AFF2: variants seen among roughly 807,000 people sequenced by gnomAD.
The protein encoded by AFF2 is ALF transcription elongation factor 2, also known as AF4/FMR2 family member 2.
Under a neutral mutation model 76.9 loss-of-function variants are expected in AFF2, and 14 were observed. That is an observed-to-expected ratio of 0.18 (90% CI 0.12 to 0.28). AFF2 has a LOEUF of 0.28. AFF2 is among the 10% of genes least tolerant of loss of function. AFF2 has a pLI of 1.00. For synonymous variants in AFF2, 398 were observed against 366.7 expected (o/e 1.09, Z -0.98); for missense variants, 868 against 1,001.1 (o/e 0.87, Z 1.79).
chrX:148,590,554 A>G (rs2053513687), intron 1 of AFF2, among the ~76,000 whole-genome samples: 1 of 112,024 alleles, frequency 8.9e-6, no homozygotes, highest in South Asian at 3.7e-4. Context: ...TAGCTAGGAA[A>G]TGGGTGACAA....
At chrX:148,734,541 C>T (rs2055263459) in intron 3 of AFF2, among the ~76,000 whole-genome samples, 1 of 111,724 alleles carries the variant, frequency 9.0e-6, no homozygotes, top group African/African-American at 3.3e-5. Flanking sequence ...ACATTATCTT[C>T]CTTTGTTGAA....
In AFF2 at chrX:148,878,542, A is replaced by G. The variant is rs782564695; in HGVS notation, c.1263-7347A>G. 2.7e-5 allele frequency among the ~76,000 whole-genome samples: 3 copies of G among 111,751 alleles called. No homozygotes were observed. The East Asian group carries it at 8.4e-4, about 31-fold the overall frequency. On this transcript the variant is annotated intron_variant, in intron 7 of 20. Coordinates refer to ENST00000370460, the MANE Select transcript of AFF2 (RefSeq NM_002025.4). ...CGTATATGGTCTTGAATGAATTCCT[A>G]TTCCTCCACTTGAATGACTTTCCAT...
intron 8 of AFF2, among the ~76,000 whole-genome samples, chrX:148,893,007 T>C (rs782585226): frequency 1.8e-5 from 2 of 112,075 alleles, no homozygotes; most frequent in East Asian, 5.6e-4. Flanking sequence ...GATAGAGTCT[T>C]TTAATGTAAA....
intron 1 of AFF2, among the ~76,000 whole-genome samples, chrX:148,526,602 G>A (rs1293883653): frequency 1.8e-5 from 2 of 110,266 alleles, no homozygotes; most frequent in Non-Finnish European, 3.8e-5. Context: ...GAACAAAATG[G>A]TACTTATAGA....
At chrX:148,836,880 A>G (rs782687999) in intron 4 of AFF2, among the ~76,000 whole-genome samples, 1 of 112,096 alleles carries the variant, frequency 8.9e-6, no homozygotes, top group South Asian at 3.8e-4. Context: ...TTGAACTCAC[A>G]GATACACTGT....
intron 3 of AFF2, among the ~76,000 whole-genome samples, chrX:148,696,320 G>A (rs1298527704): frequency 6.4e-5 from 7 of 108,982 alleles, no homozygotes; most frequent in Non-Finnish European, 1.3e-4. Context: ...GAGAGGGGAG[G>A]GATAGCATTA....
chrX:148,674,749 A>G (rs1459417342), intron 3 of AFF2, among the ~76,000 whole-genome samples: 1 of 112,357 alleles, frequency 8.9e-6, no homozygotes, highest in East Asian at 2.8e-4. Flanking sequence ...GACCACAGAG[A>G]TAACTGCTAA....
chrX:148,614,240 A>T (rs782473673), intron 1 of AFF2, among the ~76,000 whole-genome samples: 1 of 112,201 alleles, frequency 8.9e-6, no homozygotes, highest in Non-Finnish European at 1.9e-5. Context: ...AATTTTGTGT[A>T]TCTACAAGCT....
chrX:148,578,373 C>G (rs782277327), intron 1 of AFF2, among the ~76,000 whole-genome samples: 15 of 111,394 alleles, frequency 1.3e-4, no homozygotes, highest in Non-Finnish European at 2.6e-4. Context: ...GAGGACTCCA[C>G]TTAAGAGTCA....
At chrX:148,895,279 G>T (rs1327009375) in intron 8 of AFF2, among the ~76,000 whole-genome samples, 1 of 111,103 alleles carries the variant, frequency 9.0e-6, no homozygotes, top group Non-Finnish European at 1.9e-5. Context: ...AATAAAAATG[G>T]CTACATTTTT....
chrX:148,942,685 A>G (rs1557285695), intron 9 of AFF2, among the ~76,000 whole-genome samples: 1 of 110,390 alleles, frequency 9.1e-6, no homozygotes, highest in Non-Finnish European at 1.9e-5. Context: ...GCATGGTGGC[A>G]CACACTTGTG....
At chrX:148,782,174 T>C (rs956821277) in intron 3 of AFF2, among the ~76,000 whole-genome samples, 1 of 111,966 alleles carries the variant, frequency 8.9e-6, no homozygotes, top group Non-Finnish European at 1.9e-5. Flanking sequence ...ATCACATTTT[T>C]TCCATATAAA....
chrX:148,746,939 G>A (rs1557266115), intron 3 of AFF2, among the ~76,000 whole-genome samples: 1 of 112,619 alleles, frequency 8.9e-6, no homozygotes, highest in African/African-American at 3.2e-5. Flanking sequence ...TTCAGCATGT[G>A]TAGTCATTGA....
At chrX:148,510,867 C>T (rs2052475089) in intron 1 of AFF2, among the ~76,000 whole-genome samples, 1 of 111,718 alleles carries the variant, frequency 9.0e-6, no homozygotes, top group African/African-American at 3.3e-5. Flanking sequence ...TAGACAAAAA[C>T]CTGCTTAATA....
chrX:148,574,836 A>G (rs73618355), intron 1 of AFF2, among the ~76,000 whole-genome samples: 1,772 of 111,239 alleles, frequency 0.016, 37 homozygotes, highest in African/African-American at 0.053. Context: ...TATTGTTTCC[A>G]TTTCAGGGAT....
At chrX:148,506,292 T>C (rs1489528284) in intron 1 of AFF2, among the ~76,000 whole-genome samples, 1 of 111,856 alleles carries the variant, frequency 8.9e-6, no homozygotes, top group African/African-American at 3.3e-5. Flanking sequence ...CTATCTCATT[T>C]GATCATTGTG....
chrX:148,774,448 CT>C (rs1200177491), intron 3 of AFF2, among the ~76,000 whole-genome samples: 1 of 111,504 alleles, frequency 9.0e-6, no homozygotes, highest in African/African-American at 3.3e-5. Context: ...TACTGGTTTC[CT>C]GTGCTTGATG....
intron 9 of AFF2, among the ~76,000 whole-genome samples, chrX:148,920,621 CGT>C (rs1410646415): frequency 3.6e-5 from 1 of 27,758 alleles, no homozygotes; most frequent in Non-Finnish European, 8.0e-5. Flanking sequence ...TGTGAGTGTG[CGT>C]GTGTGTGCGC....
intron 7 of AFF2, among the ~76,000 whole-genome samples, chrX:148,848,597 G>A (rs1199411608): frequency 8.9e-6 from 1 of 112,000 alleles, no homozygotes. Flanking sequence ...ATGCAATTTC[G>A]GTAGCAAATT....
Sources: allele counts gnomAD v4.1 joint callset (sites outside exome capture counted in the v4.1 genomes callset), GRCh38; gene constraint gnomAD v4.1.1; transcripts MANE v1.5; gene names NCBI Gene and HGNC (gene_info 2026-07-23, HGNC 2026-07-21).